PRKAG1: variants seen among roughly 807,000 people sequenced by gnomAD.
PRKAG1 encodes the protein 5'-AMP-activated protein kinase subunit gamma-1.
A neutral mutation model predicts 48.2 loss-of-function variants in PRKAG1; 27 were observed. The observed-to-expected ratio is 0.56, with a 90% CI of 0.41 to 0.77. PRKAG1 has a LOEUF of 0.77. Among genes scored for constraint, PRKAG1 ranks in the 30% least tolerant of loss-of-function variants. PRKAG1 has a pLI of 0.00. For synonymous variants in PRKAG1, 130 were observed against 147.7 expected (o/e 0.88, Z 0.87); for missense variants, 287 against 398.3 (o/e 0.72, Z 2.38).
intron 2 of PRKAG1, chr12:49,009,530 T>C (rs1170083002): frequency 6.6e-6 from 1 of 152,224 alleles, no homozygotes; most frequent in Non-Finnish European, 1.5e-5. Context: ...TTCCAAGAGT[T>C]CCTTTTTGTT....
chr12:49,008,301 T>G (rs190925974), intron 2 of PRKAG1: 21 of 152,368 alleles, frequency 1.4e-4, no homozygotes, highest in African/African-American at 5.0e-4. Flanking sequence ...TGTATAATTC[T>G]TATAACTAAT....
At chr12:49,015,769 G>C (rs950050372) in intron 1 of PRKAG1, among the ~76,000 whole-genome samples, 4 of 151,972 alleles carry the variant, frequency 2.6e-5, no homozygotes, top group African/African-American at 9.7e-5. Flanking sequence ...GTAGAGACGG[G>C]GTTTCACTAT....
Position 49,018,712 on chromosome 12 carries a change from C to T in PRKAG1, c.9+20G>A, listed in dbSNP as rs201607367. ...TCTTAGGCTCCACAGCGCCCCCGAC[C>T]GCCCTCCTGCACTCCTCACCGTCTC... On this transcript the variant is annotated intron_variant, in intron 1 of 11. Coordinates refer to ENST00000548065, the MANE Select transcript of PRKAG1 (RefSeq NM_002733.5). 1.9e-6 allele frequency: 3 copies of T among 1,613,378 alleles called. No individual in the cohort carries two copies. The highest frequency in any genetic ancestry group is 3.3e-5 in the Admixed American group (2 of 60,030).
chr12:49,011,078 A>G (rs1941739440), intron 2 of PRKAG1, among the ~76,000 whole-genome samples: 1 of 151,956 alleles, frequency 6.6e-6, no homozygotes, highest in Non-Finnish European at 1.5e-5. Flanking sequence ...CTTGTTCTCA[A>G]GTGATCCACC....
chr12:49,007,859 CTT>C (rs766217437), intron 2 of PRKAG1, among the ~76,000 whole-genome samples: 39 of 136,444 alleles, frequency 2.9e-4, no homozygotes, highest in Admixed American at 3.0e-4. Flanking sequence ...GTATTTCAAT[CTT>C]TTTTTTTTTT....
intron 1 of PRKAG1, among the ~76,000 whole-genome samples, chr12:49,016,063 G>A (rs763178774): frequency 3.3e-5 from 5 of 151,300 alleles, no homozygotes; most frequent in East Asian, 1.9e-4. Flanking sequence ...TCTGCCTCCC[G>A]GGCTGCTGGG....
At chr12:49,012,175 C>T (rs1444574683) in intron 2 of PRKAG1, among the ~76,000 whole-genome samples, 1 of 151,974 alleles carries the variant, frequency 6.6e-6, no homozygotes, top group African/African-American at 2.4e-5. Context: ...GCCTTCTTTT[C>T]ATATGTAGTT....
chr12:49,013,953 TGGCTCACTGCAACTGCCTCCTCCTG>T (rs1941863662), intron 1 of PRKAG1, among the ~76,000 whole-genome samples: 1 of 152,132 alleles, frequency 6.6e-6, no homozygotes, highest in African/African-American at 2.4e-5. Flanking sequence ...GGCGTGATCT[TGGCTCACTGCAACTGCCTCCTCCTG>T]GGTTCAAGCA....
intron 1 of PRKAG1, among the ~76,000 whole-genome samples, chr12:49,016,411 C>G (rs1350062804): frequency 2.0e-5 from 3 of 152,248 alleles, no homozygotes; most frequent in Non-Finnish European, 4.4e-5. Flanking sequence ...CACAGAGACT[C>G]CTCAAATGCT....
intron 2 of PRKAG1, 197 bp downstream of exon 2, chr12:49,012,865 T>C (rs932947362): frequency 3.1e-5 from 18 of 574,116 alleles, no homozygotes; most frequent in African/African-American, 9.5e-5. Context: ...TAATTGAAGA[T>C]ATTAATCATC....
intron 1 of PRKAG1, among the ~76,000 whole-genome samples, chr12:49,014,212 C>T (rs1221971741): frequency 6.6e-6 from 1 of 152,180 alleles, no homozygotes; most frequent in African/African-American, 2.4e-5. Flanking sequence ...AATGTATTTA[C>T]TCCATTCTGA....
Position 49,005,661 on chromosome 12 carries a change from A to C in PRKAG1, c.168+82T>G. On this transcript the variant is annotated intron_variant, in intron 3 of 11. Transcript: ENST00000548065. This position sits in a 1 kb window ranked among gnomAD's most constrained non-coding sequence, Gnocchi z 4.1. ...AGACTAACTTCACAGAAGGATAAGG[A>C]TATTACCCTTAGGATGAGATAGGAT... is the stretch of plus-strand genomic sequence containing the variant. 6.2e-7 allele frequency: 1 copy of C among 1,606,236 alleles called. No individual in the cohort carries two copies. Among genetic ancestry groups the C allele is most frequent in the Non-Finnish European group, 8.5e-7 (1 of 1,173,260 alleles).
chr12:49,012,215 T>C (rs913925909), intron 2 of PRKAG1, among the ~76,000 whole-genome samples: 7 of 152,126 alleles, frequency 4.6e-5, no homozygotes, highest in African/African-American at 7.2e-5. Flanking sequence ...TGTAGGCAAT[T>C]TGAGTTTCTA....
intron 1 of PRKAG1, among the ~76,000 whole-genome samples, chr12:49,013,513 C>T (rs866639709): frequency 9.9e-5 from 15 of 152,126 alleles, no homozygotes; most frequent in South Asian, 2.1e-4. Context: ...CAAAGCACTA[C>T]GATTACAGGC....
chr12:49,018,617 C>T, intron 1 of PRKAG1, 115 bp downstream of exon 1: 1 of 1,582,546 alleles, frequency 6.3e-7, no homozygotes, highest in Non-Finnish European at 8.6e-7. Flanking sequence ...CACCCGGCTG[C>T]TTTTTGTTTG....
In PRKAG1 at chr12:49,002,559, G is replaced by C; in HGVS notation, c.*340C>G. ...AGGGTTGAATCAGGGCCAAGATGGAGGCAGAGGCAAGTGAGGTCTGGGGAT... is the reference window on the plus strand; with the variant it reads ...AGGGTTGAATCAGGGCCAAGATGGACGCAGAGGCAAGTGAGGTCTGGGGAT... On this transcript the variant is annotated 3_prime_UTR_variant, in exon 12 of 12. Transcript: ENST00000548065. The C allele has an allele frequency of 2.4e-6, 1 of 408,186 alleles. No homozygotes were observed. The highest frequency in any genetic ancestry group is 4.6e-6 in the Non-Finnish European group (1 of 215,862). The allele number at this position is 408,186 out of a possible 1,614,324, so 25.3% of individuals were successfully genotyped here. A position where few individuals can be genotyped will look rare whatever the true frequency, so the allele number is the denominator to read the frequency against.
rs1008617677 is a variant in PRKAG1, at chr12:49,012,886, C to T, written c.58+176G>A. 6.4e-6 allele frequency: 4 copies of T among 623,702 alleles called. No homozygotes were observed. In the African/African-American group the frequency reaches 7.4e-5, roughly 12 times the overall value. 38.6% of individuals were successfully genotyped at this position (623,702 alleles called of 1,614,324 possible). A position where few individuals can be genotyped will look rare whatever the true frequency, so the allele number is the denominator to read the frequency against. ...AAGATATTAATCATCCCCACTCTGC[C>T]CAAGATTTATTCCTGGGTGATCTTG... On this transcript the variant is annotated intron_variant, in intron 2 of 11. Coordinates refer to ENST00000548065, the MANE Select transcript of PRKAG1 (RefSeq NM_002733.5).
At position 49,013,085 on chromosome 12, in the gene PRKAG1, G is replaced by A; in HGVS notation, c.35C>T (p.Ala12Val). The change falls in exon 2 of 12, where the codon GCT (alanine) becomes GTT (valine). Residue 12 changes from alanine to valine, a missense_variant. By Grantham distance (64) the Ala-to-Val change is moderately conservative. Coordinates refer to ENST00000548065, the MANE Select transcript of PRKAG1 (RefSeq NM_002733.5). ...ETVISSDSSP[A>V]VENEHPQETP... The stretch of plus-strand genomic sequence containing the variant: ...ACCTTGAGGATGCTCATTTTCCACA[G>A]CTGGGGAGCTATCTGAAGAAATGAC... 6.2e-7 allele frequency: 1 copy of A among 1,613,740 alleles called. No homozygotes were observed.
At chr12:49,011,530 T>C (rs969416607) in intron 2 of PRKAG1, among the ~76,000 whole-genome samples, 1 of 151,278 alleles carries the variant, frequency 6.6e-6, no homozygotes, top group Admixed American at 6.6e-5. Flanking sequence ...TAGGTCTTAG[T>C]TGACCAGACC....
Sources: gnomAD v4.1 joint callset for allele counts (sites outside exome capture counted in the v4.1 genomes callset) on GRCh38, gnomAD v4.1.1 for gene constraint, Gnocchi (gnomAD v3.1) non-coding constraint, MANE v1.5 for transcripts, NCBI Gene and HGNC (gene_info 2026-07-23, HGNC 2026-07-21) for gene names.